Variants in DIPK1A observed in about 807,000 individuals in gnomAD.
DIPK1A encodes the protein family with sequence similarity 69 member A.
Under a neutral mutation model 40.8 loss-of-function variants are expected in DIPK1A, and 27 were observed. The observed-to-expected ratio is 0.66, with a 90% CI of 0.49 to 0.91. The LOEUF is 0.91. Ranked by LOEUF, DIPK1A falls within the 40% of genes least tolerant of loss-of-function variation. DIPK1A has a pLI of 0.00. For missense variants in DIPK1A, 412 were observed against 505.7 expected (o/e 0.81, Z 1.78); for synonymous variants, 166 against 171.3 (o/e 0.97, Z 0.24).
intron 1 of DIPK1A, among the ~76,000 whole-genome samples, chr1:92,910,828 AG>A (rs895006128): frequency 2.9e-4 from 44 of 152,196 alleles, no homozygotes; most frequent in Non-Finnish European, 5.6e-4. Flanking sequence ...TACTCTTGTC[AG>A]GGGGGTGTAG....
chr1:92,846,635 C>CG, intron 4 of DIPK1A: 1 of 340,382 alleles, frequency 2.9e-6, no homozygotes, highest in East Asian at 8.8e-5. Flanking sequence ...TTTTCTTTTT[C>CG]TTTTTTTTTT....
chr1:92,934,128 A>G (rs1650864401), intron 1 of DIPK1A: 1 of 152,244 alleles, frequency 6.6e-6, no homozygotes, highest in South Asian at 2.1e-4. Context: ...AACTTTAGAT[A>G]ATAAAAAATG....
At chr1:92,845,887 TG>T (rs931735696) in intron 4 of DIPK1A, among the ~76,000 whole-genome samples, 1 of 150,364 alleles carries the variant, frequency 6.7e-6, no homozygotes, top group Non-Finnish European at 1.5e-5. Flanking sequence ...CCCAGCTACT[TG>T]GGGGGCTGAG....
chr1:92,852,832 G>A (rs1375970912), intron 2 of DIPK1A, among the ~76,000 whole-genome samples: 1 of 152,072 alleles, frequency 6.6e-6, no homozygotes, highest in Non-Finnish European at 1.5e-5. Context: ...TTGAGCTCAG[G>A]AGTTCAAGAG....
intron 1 of DIPK1A, among the ~76,000 whole-genome samples, chr1:92,934,822 A>C (rs1650887233): frequency 6.6e-6 from 1 of 152,204 alleles, no homozygotes; most frequent in Admixed American, 6.5e-5. Context: ...GTTCCTGGCA[A>C]AAATAAAACC....
chr1:92,854,342 G>A (rs1319485464), intron 2 of DIPK1A, among the ~76,000 whole-genome samples: 1 of 152,204 alleles, frequency 6.6e-6, no homozygotes, highest in Non-Finnish European at 1.5e-5. Flanking sequence ...TATCTGTTAT[G>A]TAATTTGTTC....
chr1:92,961,425 G>A lies in DIPK1A; in HGVS notation c.5C>T (p.Ala2Val). The change falls in exon 1 of 5, where the codon GCG (alanine) becomes GTG (valine). Residue 2 changes from alanine to valine, a missense_variant. Transcript: ENST00000370310. M[A>V]RSLCPGAWLR... ...CCAGGCCCCCGGACAGAGACTCCTC[G>A]CCATGGTAATCACACATCGCCCCGC... 6.6e-7 allele frequency: 1 copy of A among 1,517,310 alleles called. No individual in the cohort carries two copies. 94.0% of individuals were successfully genotyped at this position (1,517,310 alleles called of 1,614,324 possible). A position where few individuals can be genotyped will look rare whatever the true frequency, so the allele number is the denominator to read the frequency against.
intron 1 of DIPK1A, among the ~76,000 whole-genome samples, chr1:92,889,027 C>T (rs989491796): frequency 6.6e-6 from 1 of 151,934 alleles, no homozygotes; most frequent in African/African-American, 2.4e-5. Context: ...TTGATATAAT[C>T]CCATTTGTCT....
In DIPK1A at chr1:92,842,491, G is replaced by A. The variant is rs909293677; in HGVS notation, c.*892C>T. ...AGTTTACATGGGGAAAAAAACATTA[G>A]ATAAATAAATACATTTACATGCCTC... On this transcript the variant is annotated 3_prime_UTR_variant, in exon 5 of 5. Transcript: ENST00000370310. 66 of 978,690 alleles carry A rather than the reference G, an allele frequency of 6.7e-5. No individual in the cohort carries two copies. Among genetic ancestry groups the A allele is most frequent in the Non-Finnish European group, 7.8e-5 (64 of 823,982 alleles). 60.6% of individuals were successfully genotyped at this position (978,690 alleles called of 1,614,324 possible).
chr1:92,837,039 T>A, intron 4 of DIPK1A: 1 of 286,586 alleles, frequency 3.5e-6, no homozygotes, highest in Non-Finnish European at 6.8e-6. Context: ...TGGAGGTGGG[T>A]GGGGGGAGTT....
At chr1:92,948,813 T>G (rs912570574) in intron 1 of DIPK1A, among the ~76,000 whole-genome samples, 17 of 149,354 alleles carry the variant, frequency 1.1e-4, no homozygotes, top group African/African-American at 4.2e-4. Context: ...ATATATATTT[T>G]TCCCCCCTGA....
chr1:92,861,387 C>T (rs868445117), intron 2 of DIPK1A, among the ~76,000 whole-genome samples: 1 of 119,616 alleles, frequency 8.4e-6, no homozygotes, highest in Non-Finnish European at 1.6e-5. Flanking sequence ...AGTGCAATGG[C>T]GTGATCTCGG....
intron 1 of DIPK1A, among the ~76,000 whole-genome samples, chr1:92,927,237 C>T (rs1189303898): frequency 6.6e-6 from 1 of 152,110 alleles, no homozygotes; most frequent in Non-Finnish European, 1.5e-5. Flanking sequence ...TGATGGAGTA[C>T]AGTGGCGATC....
At chr1:92,952,266 AT>A in intron 1 of DIPK1A, among the ~76,000 whole-genome samples, 1 of 151,962 alleles carries the variant, frequency 6.6e-6, no homozygotes, top group East Asian at 1.9e-4. Flanking sequence ...ATATACAAAC[AT>A]TTTTTTCCTG....
chr1:92,860,247 G>A (rs1185232367), intron 2 of DIPK1A, among the ~76,000 whole-genome samples: 2 of 152,212 alleles, frequency 1.3e-5, no homozygotes, highest in South Asian at 2.1e-4. Flanking sequence ...ATTGCACGGA[G>A]GGCTGATGAA....
intron 1 of DIPK1A, among the ~76,000 whole-genome samples, chr1:92,918,015 A>G (rs78220312): frequency 0.022 from 3,381 of 152,340 alleles, 118 homozygotes; most frequent in African/African-American, 0.076. Context: ...AGTGTTAACT[A>G]AAGACATAAC....
intron 1 of DIPK1A, among the ~76,000 whole-genome samples, chr1:92,889,847 G>C (rs906275539): frequency 7.2e-4 from 110 of 151,966 alleles, no homozygotes; most frequent in African/African-American, 2.6e-3. Flanking sequence ...ACAGGGTTTT[G>C]CCATGTTGCC....
At chr1:92,835,292 C>G (rs961310653) in intron 4 of DIPK1A, 1 of 328,870 alleles carries the variant, frequency 3.0e-6, no homozygotes, top group Non-Finnish European at 5.9e-6. Context: ...CGTGGGAACT[C>G]CACTCTAGAC....
At chr1:92,943,054 A>C (rs531914955) in intron 1 of DIPK1A, among the ~76,000 whole-genome samples, 2 of 152,378 alleles carry the variant, frequency 1.3e-5, no homozygotes, top group East Asian at 3.9e-4. Context: ...TGCAGTTTAA[A>C]ATTCACATCA....
Sources: allele counts gnomAD v4.1 joint callset (sites outside exome capture counted in the v4.1 genomes callset), GRCh38; gene constraint gnomAD v4.1.1; transcripts MANE v1.5; gene names NCBI Gene and HGNC (gene_info 2026-07-23, HGNC 2026-07-21).